The following PGM5 variants were observed in gnomAD, a reference collection of about 807,000 sequenced individuals.
PGM5 encodes phosphoglucomutase 5.
In PGM5, 23 loss-of-function variants were observed where a neutral mutation model predicts 59.2. The ratio of observed to expected loss-of-function variants is 0.39; its 90% CI spans 0.28 to 0.55. The LOEUF is 0.55. Among genes scored for constraint, PGM5 ranks in the 20% least tolerant of loss-of-function variants. The probability of loss-of-function intolerance (pLI) is 0.66; values close to 1 mark genes in which losing one functional copy is unlikely to be tolerated. For missense variants in PGM5, 574 were observed against 748.3 expected (o/e 0.77, Z 2.72); for synonymous variants, 214 against 286.0 (o/e 0.75, Z 2.54).
chr9:68,444,839 G>A (rs1186656847), intron 6 of PGM5, among the ~76,000 whole-genome samples: 1 of 152,178 alleles, frequency 6.6e-6, no homozygotes, highest in Non-Finnish European at 1.5e-5. Flanking sequence ...AGCAAAGAAG[G>A]GGTACAGGAA....
Position 68,470,638 on chromosome 9 carries a change from T to C in PGM5, c.1159+5430T>C, listed in dbSNP as rs191992979. On this transcript the variant is annotated intron_variant, in intron 7 of 10. Coordinates refer to ENST00000396396, the MANE Select transcript of PGM5 (RefSeq NM_021965.4). ...TTATTCCCTCTACATTTGTCTCTTT[T>C]CGCATCTGCCGATTCTAGTCTCTAG... 1.9e-4 allele frequency among the ~76,000 whole-genome samples: 29 copies of C among 152,384 alleles called. No homozygotes were observed. The East Asian group carries it at 5.4e-3, about 28-fold the overall frequency.
intron 6 of PGM5, among the ~76,000 whole-genome samples, chr9:68,409,646 G>A (rs367581862): frequency 3.5e-5 from 5 of 143,896 alleles, no homozygotes; most frequent in Admixed American, 7.0e-5. Context: ...AACACCGCAT[G>A]TTCTCACTCA....
At chr9:68,408,411 T>G (rs1338559094) in intron 6 of PGM5, among the ~76,000 whole-genome samples, 2 of 152,214 alleles carry the variant, frequency 1.3e-5, no homozygotes, top group African/African-American at 2.4e-5. Context: ...ACCCACTTTT[T>G]GATGGGGTTG....
intron 10 of PGM5, among the ~76,000 whole-genome samples, chr9:68,519,944 G>A (rs1396889716): frequency 7.8e-6 from 1 of 127,752 alleles, no homozygotes; most frequent in African/African-American, 3.0e-5. Flanking sequence ...AATAAAATTA[G>A]CCAGGTGTGA....
chr9:68,466,200 A>T, intron 7 of PGM5: 1 of 1,292,634 alleles, frequency 7.7e-7, no homozygotes, highest in African/African-American at 1.5e-5. Flanking sequence ...AAGTTCACTG[A>T]TTCTTTCCTT....
At chr9:68,389,725 G>A (rs1319382145) in intron 4 of PGM5, among the ~76,000 whole-genome samples, 1 of 152,102 alleles carries the variant, frequency 6.6e-6, no homozygotes, top group Non-Finnish European at 1.5e-5. Context: ...TCGTGAACAA[G>A]TCTGTATGTT....
intron 1 of PGM5, among the ~76,000 whole-genome samples, chr9:68,361,898 T>G (rs1222504984): frequency 6.6e-6 from 1 of 152,066 alleles, no homozygotes; most frequent in Non-Finnish European, 1.5e-5. Flanking sequence ...GATGGTGAGA[T>G]GATCGCAAGG....
At position 68,356,729 on chromosome 9, in the gene PGM5, C is replaced by A. The variant is rs1376510461; in HGVS notation, c.-399C>A. ...AGGGTGTGCCCCGGAGGGCGGCGAT[C>A]GCGGGTGAAGGCTGGGGCCAGGCGC... On this transcript the variant is annotated 5_prime_UTR_variant, in exon 1 of 11. Transcript: ENST00000396396. Among the ~76,000 whole-genome samples, 1 of 152,174 alleles carries A rather than the reference C, an allele frequency of 6.6e-6. No individual in the cohort carries two copies. The highest frequency in any genetic ancestry group is 1.5e-5 in the Non-Finnish European group (1 of 68,032).
chr9:68,397,328 C>A (rs1822536667), intron 6 of PGM5: 1 of 152,524 alleles, frequency 6.6e-6, no homozygotes, highest in African/African-American at 2.4e-5. Context: ...GTGCTTGGGG[C>A]TGTGCCGAAT....
At chr9:68,427,215 T>G (rs931720077) in intron 6 of PGM5, among the ~76,000 whole-genome samples, 8 of 152,060 alleles carry the variant, frequency 5.3e-5, no homozygotes, top group African/African-American at 1.9e-4. Flanking sequence ...AAGAGTGGAG[T>G]TGACCTTGGC....
chr9:68,453,110 A>G (rs1587814904), intron 6 of PGM5, among the ~76,000 whole-genome samples: 2 of 152,198 alleles, frequency 1.3e-5, no homozygotes, highest in African/African-American at 4.8e-5. Context: ...TGAGAAATGT[A>G]TACTCTACCC....
intron 1 of PGM5, among the ~76,000 whole-genome samples, chr9:68,377,891 T>C (rs62551324): frequency 0.24 from 36,083 of 150,130 alleles, 4,646 homozygotes; most frequent in Admixed American, 0.32. Flanking sequence ...TAAGAACTTC[T>C]TGTGTGATTC....
chr9:68,511,408 T>C (rs1824747010), intron 10 of PGM5, among the ~76,000 whole-genome samples: 1 of 152,152 alleles, frequency 6.6e-6, no homozygotes, highest in South Asian at 2.1e-4. Flanking sequence ...TTCGGGATCC[T>C]TTTGGCCAAT....
intron 3 of PGM5, among the ~76,000 whole-genome samples, chr9:68,386,153 T>C (rs1554678818): frequency 2.6e-5 from 4 of 151,850 alleles, no homozygotes; most frequent in African/African-American, 7.2e-5. Flanking sequence ...CAGAATGAAA[T>C]TGTCAAAAAC....
In PGM5 at chr9:68,529,743, C is replaced by A. The variant is rs1400791887; in HGVS notation, c.*87C>A. 3 of 593,274 alleles carry A rather than the reference C, an allele frequency of 5.1e-6. No homozygotes were observed. Among genetic ancestry groups the A allele is most frequent in the East Asian group, 5.2e-5 (1 of 19,380 alleles). The allele number at this position is 593,274 out of a possible 1,614,324, so 36.8% of individuals were successfully genotyped here. ...GCCTTCTTGCTACCTGTTTGTGCCT[C>A]TTATGACTTTGGAAAAACAAAAGAT... On this transcript the variant is annotated 3_prime_UTR_variant, in exon 11 of 11. Coordinates refer to ENST00000396396, the MANE Select transcript of PGM5 (RefSeq NM_021965.4).
chr9:68,403,819 A>G (rs1822736507), intron 6 of PGM5, among the ~76,000 whole-genome samples: 1 of 152,172 alleles, frequency 6.6e-6, no homozygotes, highest in Admixed American at 6.5e-5. Flanking sequence ...TATTACCCCC[A>G]AGGTGGTAGA....
intron 2 of PGM5, among the ~76,000 whole-genome samples, chr9:68,380,405 A>G (rs1235318346): frequency 1.1e-4 from 16 of 151,972 alleles, no homozygotes; most frequent in African/African-American, 3.9e-4. Context: ...ATTAATGACA[A>G]TGGAAACACA....
chr9:68,400,207 G>A (rs1433833449), intron 6 of PGM5, among the ~76,000 whole-genome samples: 5 of 152,130 alleles, frequency 3.3e-5, no homozygotes, highest in Non-Finnish European at 7.3e-5. Context: ...AAATGGGTTA[G>A]TGGGCTTTGA....
At chr9:68,421,100 A>G (rs1307092875) in intron 6 of PGM5, among the ~76,000 whole-genome samples, 3 of 152,342 alleles carry the variant, frequency 2.0e-5, no homozygotes, top group African/African-American at 7.2e-5. Context: ...GTAGGTGCAC[A>G]TGTCCATGTC....
Sources: gnomAD v4.1 joint callset for allele counts (sites outside exome capture counted in the v4.1 genomes callset) on GRCh38, gnomAD v4.1.1 for gene constraint, MANE v1.5 for transcripts, NCBI Gene and HGNC (gene_info 2026-07-23, HGNC 2026-07-21) for gene names.